Variants in LATS2 observed in about 807,000 individuals in gnomAD.
The protein encoded by LATS2 is large tumor suppressor kinase 2, also known as serine/threonine-protein kinase LATS2.
A neutral mutation model predicts 76.0 loss-of-function variants in LATS2; 24 were observed. The ratio of observed to expected loss-of-function variants is 0.32; its 90% CI spans 0.23 to 0.44. The LOEUF (loss-of-function observed/expected upper bound fraction) is 0.44, where lower values mean the gene tolerates loss of function less well. LATS2 is among the 20% of genes least tolerant of loss of function. The probability of loss-of-function intolerance (pLI) is 1.00; values close to 1 mark genes in which losing one functional copy is unlikely to be tolerated. For missense variants in LATS2, 1,286 were observed against 1,481.2 expected (o/e 0.87, Z 2.16); for synonymous variants, 692 against 635.4 (o/e 1.09, Z -1.34).
At chr13:20,977,911 C>T (rs1040126372) in intron 7 of LATS2, among the ~76,000 whole-genome samples, 19 of 151,894 alleles carry the variant, frequency 1.3e-4, no homozygotes, top group East Asian at 3.9e-4. Flanking sequence ...TAGGGTTTTT[C>T]GATTTCTCTT....
chr13:20,994,744 G>T (rs1870670656), intron 2 of LATS2, among the ~76,000 whole-genome samples: 1 of 152,018 alleles, frequency 6.6e-6, no homozygotes, highest in Non-Finnish European at 1.5e-5. Context: ...AAAAATAGCT[G>T]GGTGTTGATG....
Position 21,018,397 on chromosome 13 carries a change from T to C in LATS2, c.343-26993A>G, listed in dbSNP as rs544221209. 3.0e-3 allele frequency among the ~76,000 whole-genome samples: 462 copies of C among 152,058 alleles called. 1 individual carries two copies. The highest frequency in any genetic ancestry group is 3.4e-3 in the Middle Eastern group (1 of 294). ...CAAGATGAGGAGACAAGGGTTGACA[T>C]GGAAAAACAAAATTCTGCCCTGGGG... is the stretch of plus-strand genomic sequence containing the variant. On this transcript the variant is annotated intron_variant, in intron 2 of 7. Transcript: ENST00000382592.
At chr13:21,015,528 TAAG>T (rs981554857) in intron 2 of LATS2, among the ~76,000 whole-genome samples, 12 of 152,332 alleles carry the variant, frequency 7.9e-5, no homozygotes, top group African/African-American at 2.4e-4. Context: ...AAACTTGTCA[TAAG>T]AAGATAAGCA....
chr13:21,012,976 T>C (rs1871657687), intron 2 of LATS2, among the ~76,000 whole-genome samples: 1 of 152,148 alleles, frequency 6.6e-6, no homozygotes, highest in South Asian at 2.1e-4. Flanking sequence ...GTTAAGGTAT[T>C]GAGACCTTTT....
At chr13:21,017,629 T>C (rs1871858275) in intron 2 of LATS2, among the ~76,000 whole-genome samples, 2 of 151,742 alleles carry the variant, frequency 1.3e-5, no homozygotes, top group South Asian at 4.2e-4. Context: ...TTCTTTCTTT[T>C]TTTTTTTTTG....
intron 7 of LATS2, among the ~76,000 whole-genome samples, chr13:20,979,144 G>C (rs559728235): frequency 6.6e-6 from 1 of 152,180 alleles, no homozygotes; most frequent in Admixed American, 6.5e-5. Flanking sequence ...TTGCTTTATT[G>C]TAAGAATACA....
intron 5 of LATS2, among the ~76,000 whole-genome samples, chr13:20,982,375 G>C (rs922944509): frequency 2.0e-5 from 3 of 152,296 alleles, no homozygotes; most frequent in East Asian, 3.9e-4. Context: ...GCAATGGCGC[G>C]ATCTCAGCTC....
At chr13:21,049,383 G>A (rs1428093826) in intron 1 of LATS2, among the ~76,000 whole-genome samples, 1 of 152,218 alleles carries the variant, frequency 6.6e-6, no homozygotes, top group African/African-American at 2.4e-5. Context: ...GCAAGGGGAA[G>A]GGGTTTCAGG....
rs780211635 is a variant in LATS2 at position 20,989,158 on chromosome 13, G to A, written c.622C>T (p.Pro208Ser). The A allele has an allele frequency of 3.1e-6, 5 of 1,612,480 alleles. No homozygotes were observed. Among genetic ancestry groups the A allele is most frequent in the Admixed American group, 3.3e-5 (2 of 59,954 alleles). The change falls in exon 4 of 8, where the codon CCG becomes TCG. Residue 208 changes from proline (P) to serine (S), a missense_variant. By Grantham distance (74) the Pro-to-Ser change is moderately conservative. This residue lies in a region of LATS2 where 710 missense variants were observed against 660.9 expected (regional missense o/e 1.07). Coordinates refer to ENST00000382592, the MANE Select transcript of LATS2 (RefSeq NM_014572.3). ...ADGPTALEEM[P>S]RPYVDYLFPG... is the part of the protein sequence containing the mutation. Reference sequence around the variant, plus strand: ...AAAAGGTAGTCCACGTACGGCCGCGGCATCTCCTCCAGCGCCGTGGGGCCG... The same window carrying A: ...AAAAGGTAGTCCACGTACGGCCGCGACATCTCCTCCAGCGCCGTGGGGCCG...
At chr13:21,051,739 G>C (rs112775603) in intron 1 of LATS2, among the ~76,000 whole-genome samples, 3,370 of 152,280 alleles carry the variant, frequency 0.022, 103 homozygotes, top group African/African-American at 0.074. Flanking sequence ...TGGGAGGACT[G>C]CTTGAGCCCA....
intron 1 of LATS2, among the ~76,000 whole-genome samples, chr13:21,048,303 T>C (rs1873141884): frequency 6.6e-6 from 1 of 152,240 alleles, no homozygotes; most frequent in African/African-American, 2.4e-5. Flanking sequence ...AGTAGAGTTC[T>C]TTCTTTTCCT....
chr13:21,020,328 T>C (rs1872005759), intron 2 of LATS2, among the ~76,000 whole-genome samples: 1 of 152,182 alleles, frequency 6.6e-6, no homozygotes, highest in African/African-American at 2.4e-5. Context: ...TATTATCCTA[T>C]TATTTGCCAT....
chr13:20,988,208 C>A lies in LATS2; in HGVS notation c.1572G>T (p.Leu524=), dbSNP rs1482166195. 3 of 1,611,128 alleles carry A rather than the reference C, an allele frequency of 1.9e-6. No homozygotes were observed. In the East Asian group the frequency reaches 6.7e-5, roughly 36 times the overall value. The change falls in exon 4 of 8, where the codon CTG becomes CTT. Residue 524 remains leucine, a synonymous_variant. Transcript: ENST00000382592. ...PPPPYPKHLL[L]RSKSEQYDLD... is the part of the protein sequence containing the mutation. ...GGTCGTACTGCTCCGACTTGCTGCG[C>A]AGCAGCAGGTGCTTCGGGTAGGGCG...
In LATS2 at chr13:21,016,532, G is replaced by A. The variant is rs1371208836; in HGVS notation, c.343-25128C>T. Among the ~76,000 whole-genome samples, 6 of 152,130 alleles carry A rather than the reference G, an allele frequency of 3.9e-5. No individual in the cohort carries two copies. The South Asian group carries it at 1.0e-3, about 26-fold the overall frequency. ...TGACCTCAAGTGATCTGCCTGCCTC[G>A]GCCTCCCAAAGTGCTGGAATTACAG... On this transcript the variant is annotated intron_variant, in intron 2 of 7. Coordinates refer to ENST00000382592, the MANE Select transcript of LATS2 (RefSeq NM_014572.3).
intron 7 of LATS2, 94 bp from the exon 8 acceptor site, chr13:20,975,458 G>A (rs2585893): frequency 7.6e-7 from 1 of 1,307,776 alleles, no homozygotes; most frequent in Non-Finnish European, 1.0e-6. Context: ...AATATGTTTA[G>A]TTTCACAATA....
chr13:21,021,903 A>G (rs1872080121), intron 2 of LATS2, among the ~76,000 whole-genome samples: 1 of 152,152 alleles, frequency 6.6e-6, no homozygotes, highest in African/African-American at 2.4e-5. Context: ...AGCTCCTCAG[A>G]CTTCTCAAGC....
intron 2 of LATS2, among the ~76,000 whole-genome samples, chr13:21,023,678 AAAAAAC>A (rs1422378583): frequency 0.16 from 1,434 of 8,926 alleles, 368 homozygotes; most frequent in Non-Finnish European, 0.28. Context: ...AAAAAAAAAA[AAAAAAC>A]AAACCTCGGC....
chr13:20,987,287 A>G (rs1565943867), intron 4 of LATS2, among the ~76,000 whole-genome samples: 1 of 152,228 alleles, frequency 6.6e-6, no homozygotes, highest in Non-Finnish European at 1.5e-5. Flanking sequence ...CACTGAAAAG[A>G]ACACAAATCT....
rs1872747584 is a variant in LATS2 at position 21,038,319 on chromosome 13, AGT to A, written c.342+7364_342+7365del. Among the ~76,000 whole-genome samples, 3 of 152,166 alleles carry A rather than the reference AGT, an allele frequency of 2.0e-5. No homozygotes were observed. In the South Asian group the frequency reaches 6.2e-4, roughly 32 times the overall value. On this transcript the variant is annotated intron_variant, in intron 2 of 7. Coordinates refer to ENST00000382592, the MANE Select transcript of LATS2 (RefSeq NM_014572.3). Reference sequence around the variant, plus strand: ...AGGACCTCAATTCTGTTACACAAAAAGTGTGTGTGTGGTATATGTATTATATA... The same window carrying A: ...AGGACCTCAATTCTGTTACACAAAAAGTGTGTGTGGTATATGTATTATATA...
Sources: allele counts gnomAD v4.1 joint callset (sites outside exome capture counted in the v4.1 genomes callset), GRCh38; gene constraint gnomAD v4.1.1; regional missense constraint gnomAD v4.1.1; transcripts MANE v1.5; gene names NCBI Gene and HGNC (gene_info 2026-07-23, HGNC 2026-07-21).